DCLK1: variants seen among roughly 807,000 people sequenced by gnomAD.
DCLK1 encodes serine/threonine-protein kinase DCLK1.
A neutral mutation model predicts 86.2 loss-of-function variants in DCLK1; 16 were observed. The observed-to-expected ratio is 0.19, with a 90% CI of 0.13 to 0.28. The LOEUF is 0.28. Among genes scored for constraint, DCLK1 ranks in the 10% least tolerant of loss-of-function variants. DCLK1 has a pLI of 1.00. For missense variants in DCLK1, 590 were observed against 940.2 expected (o/e 0.63, Z 4.87); for synonymous variants, 369 against 370.5 (o/e 1.00, Z 0.05).
chr13:35,855,605 T>C (rs1277222810), intron 5 of DCLK1: 6 of 1,551,946 alleles, frequency 3.9e-6, no homozygotes, highest in South Asian at 3.6e-5. Flanking sequence ...CCCGCGGAAA[T>C]GGGAATCGGT....
Position 36,112,049 on chromosome 13 carries a change from A to G in DCLK1, c.543T>C (p.Asp181=). ...TGGTGACCAGCTTGGGCCGAATGAAATCCTTATTCTCTCGCACCTCTGAAG... is the reference window on the plus strand; with the variant it reads ...TGGTGACCAGCTTGGGCCGAATGAAGTCCTTATTCTCTCGCACCTCTGAAG... The part of the protein sequence containing the change: ...GSPSEVRENK[D]FIRPKLVTII... The change falls in exon 3 of 17, where the codon GAT becomes GAC. Residue 181 remains aspartate, a synonymous_variant. Transcript: ENST00000360631. 6.2e-7 allele frequency: 1 copy of G among 1,614,164 alleles called. No homozygotes were observed. The highest frequency in any genetic ancestry group is 8.5e-7 in the Non-Finnish European group (1 of 1,180,024).
At chr13:35,775,776 C>G (rs2086414903) in intron 16 of DCLK1, among the ~76,000 whole-genome samples, 1 of 152,166 alleles carries the variant, frequency 6.6e-6, no homozygotes, top group Non-Finnish European at 1.5e-5. Flanking sequence ...TTACTGTTAG[C>G]TCCTTCAAAG....
At position 35,772,388 on chromosome 13, in the gene DCLK1, A is replaced by G. The variant is rs940416174; in HGVS notation, c.*2147T>C. ...AGGAAAATGACAGTCCACTGCAGGT[A>G]GGTCTCTGCCCATTGCATTCTTCAC... is the stretch of plus-strand genomic sequence containing the variant. On this transcript the variant is annotated 3_prime_UTR_variant, in exon 17 of 17. Coordinates refer to ENST00000360631, the MANE Select transcript of DCLK1 (RefSeq NM_001330071.2). 1.3e-5 allele frequency: 2 copies of G among 152,300 alleles called. No homozygotes were observed. Among genetic ancestry groups the G allele is most frequent in the South Asian group, 2.1e-4 (1 of 4,832 alleles). The allele number at this position is 152,300 out of a possible 1,614,324, so 9.4% of individuals were successfully genotyped here.
chr13:35,987,631 A>G (rs552463562), intron 3 of DCLK1, among the ~76,000 whole-genome samples: 1 of 151,822 alleles, frequency 6.6e-6, no homozygotes, highest in East Asian at 1.9e-4. Context: ...TAAAAAAAAT[A>G]AAATAAAATG....
At chr13:36,012,446 T>A (rs559132584) in intron 3 of DCLK1, among the ~76,000 whole-genome samples, 61 of 150,792 alleles carry the variant, frequency 4.0e-4, no homozygotes, top group Admixed American at 1.3e-3. Flanking sequence ...CTCTCAGCAT[T>A]TGCTTGTCTG....
chr13:35,827,034 G>A (rs1464522115), intron 10 of DCLK1, among the ~76,000 whole-genome samples: 2 of 152,194 alleles, frequency 1.3e-5, no homozygotes, highest in Non-Finnish European at 2.9e-5. Context: ...ACAGGTAAGA[G>A]ACCTTTCATC....
intron 16 of DCLK1, among the ~76,000 whole-genome samples, chr13:35,790,293 T>C (rs1403069745): frequency 6.6e-6 from 1 of 152,174 alleles, no homozygotes; most frequent in East Asian, 1.9e-4. Flanking sequence ...ACAGTATGCT[T>C]TTTTCTTTTG....
chr13:35,783,844 C>A (rs2086572975), intron 16 of DCLK1, among the ~76,000 whole-genome samples: 1 of 152,140 alleles, frequency 6.6e-6, no homozygotes, highest in Non-Finnish European at 1.5e-5. Flanking sequence ...ACTCGGCCTC[C>A]CAAAGTGTTG....
intron 3 of DCLK1, among the ~76,000 whole-genome samples, chr13:35,972,235 G>A (rs998419678): frequency 2.6e-5 from 4 of 151,838 alleles, no homozygotes; most frequent in Non-Finnish European, 4.4e-5. Context: ...CTTTCCTCAT[G>A]TAGATTCTTA....
At chr13:35,952,163 C>T (rs897463269) in intron 3 of DCLK1, among the ~76,000 whole-genome samples, 18 of 152,100 alleles carry the variant, frequency 1.2e-4, no homozygotes, top group African/African-American at 3.9e-4. Context: ...AAGTATAAAT[C>T]GAGTGCATAC....
chr13:35,787,427 G>C (rs1231774048), intron 16 of DCLK1, among the ~76,000 whole-genome samples: 1 of 151,882 alleles, frequency 6.6e-6, no homozygotes, highest in Non-Finnish European at 1.5e-5. Context: ...ATAACTTAAA[G>C]AGACACAAAC....
At chr13:35,827,063 A>G (rs969992759) in intron 10 of DCLK1, among the ~76,000 whole-genome samples, 16 of 152,266 alleles carry the variant, frequency 1.1e-4, no homozygotes, top group African/African-American at 3.9e-4. Flanking sequence ...ACCGTCATCA[A>G]CAATTGGCTA....
At chr13:35,827,891 A>G in intron 9 of DCLK1, 137 bp from the exon 10 acceptor site, 2 of 1,079,424 alleles carry the variant, frequency 1.9e-6, no homozygotes, top group South Asian at 1.6e-5. Context: ...TTATATTCTG[A>G]TATTCAGATA....
chr13:35,811,555 C>T (rs2087144506), intron 11 of DCLK1, among the ~76,000 whole-genome samples: 3 of 152,012 alleles, frequency 2.0e-5, no homozygotes, highest in Admixed American at 6.6e-5. Context: ...GAAAACTTGC[C>T]GGGAGCTGTG....
At chr13:35,777,454 T>C (rs1044868455) in intron 16 of DCLK1, among the ~76,000 whole-genome samples, 12 of 152,316 alleles carry the variant, frequency 7.9e-5, no homozygotes, top group African/African-American at 2.9e-4. Context: ...CTGAAGTTTA[T>C]TGAAATGATA....
At chr13:35,982,192 C>CT (rs1447722411) in intron 3 of DCLK1, among the ~76,000 whole-genome samples, 1 of 151,518 alleles carries the variant, frequency 6.6e-6, no homozygotes, top group Non-Finnish European at 1.5e-5. Flanking sequence ...AGGTCACAGC[C>CT]CCCTGGGATA....
chr13:35,990,441 C>A (rs1269444651), intron 3 of DCLK1, among the ~76,000 whole-genome samples: 2 of 152,012 alleles, frequency 1.3e-5, no homozygotes, highest in Admixed American at 6.6e-5. Flanking sequence ...CCTCTGATCT[C>A]TGCTTGAGTT....
intron 3 of DCLK1, among the ~76,000 whole-genome samples, chr13:36,065,222 A>G (rs1388313312): frequency 6.6e-6 from 1 of 152,196 alleles, no homozygotes; most frequent in Non-Finnish European, 1.5e-5. Context: ...GAGTGCCTCC[A>G]TTTATTCATC....
At chr13:35,979,953 T>A (rs986522143) in intron 3 of DCLK1, among the ~76,000 whole-genome samples, 1 of 152,122 alleles carries the variant, frequency 6.6e-6, no homozygotes, top group Non-Finnish European at 1.5e-5. Flanking sequence ...TATAACAAAA[T>A]CCCATCTACT....
Sources: allele counts gnomAD v4.1 joint callset (sites outside exome capture counted in the v4.1 genomes callset), GRCh38; gene constraint gnomAD v4.1.1; transcripts MANE v1.5; gene names NCBI Gene and HGNC (gene_info 2026-07-23, HGNC 2026-07-21).